The following IQCF1 variants were observed in gnomAD, a reference collection of about 807,000 sequenced individuals.
The protein encoded by IQCF1 is IQ motif containing F1.
A neutral mutation model predicts 12.5 loss-of-function variants in IQCF1; 9 were observed. That is an observed-to-expected ratio of 0.72 (90% CI 0.43 to 1.26). The LOEUF is 1.26. IQCF1 is among the 50% of genes most tolerant of loss of function. The probability of loss-of-function intolerance (pLI) is 0.00; values close to 1 mark genes in which losing one functional copy is unlikely to be tolerated. For synonymous variants in IQCF1, 67 were observed against 96.2 expected, an observed-to-expected ratio of 0.70 and a Z score of 1.78; for missense variants, 252 against 257.4, an observed-to-expected ratio of 0.98 and a Z score of 0.14.
At chr3:51,902,852 AAGAAAAT>A in intron 2 of IQCF1, 126 bp downstream of exon 2, 1 of 828,818 alleles carries the variant, frequency 1.2e-6, no homozygotes, top group Non-Finnish European at 2.1e-6. Context: ...GAGAATTAAA[AAGAAAAT>A]TTTATATTTG....
At chr3:51,903,153 G>T in intron 1 of IQCF1, 64 bp from the exon 2 acceptor site, 1 of 1,589,130 alleles carries the variant, frequency 6.3e-7, no homozygotes, top group Non-Finnish European at 8.6e-7. Context: ...CATTCAATAT[G>T]GCACACATCC....
At chr3:51,897,129 C>A (rs1665513700) in intron 2 of IQCF1, among the ~76,000 whole-genome samples, 2 of 152,142 alleles carry the variant, frequency 1.3e-5, no homozygotes, top group Non-Finnish European at 2.9e-5. Flanking sequence ...CTGACTCATT[C>A]CGATTTCCTG....
intron 3 of IQCF1, 39 bp downstream of exon 3, chr3:51,896,793 A>T: frequency 1.3e-6 from 2 of 1,498,332 alleles, no homozygotes; most frequent in Non-Finnish European, 1.9e-6. Flanking sequence ...CAGCCCCCAC[A>T]TCCCCAGCCC....
rs1327850959 is a variant in IQCF1 at position 51,900,851 on chromosome 3, C to T, written c.108+2134G>A. Among the ~76,000 whole-genome samples the T allele has an allele frequency of 1.3e-5, 2 of 152,150 alleles. No individual in the cohort carries two copies. The highest frequency in any genetic ancestry group is 2.9e-5 in the Non-Finnish European group (2 of 68,024). The stretch of plus-strand genomic sequence containing the variant: ...TTCTTTCCCTTTTCTAAGCCAGTTC[C>T]CTTCTTTAAGCCAGTGTTATGGTAT... On this transcript the variant is annotated intron_variant, in intron 2 of 3. Transcript: ENST00000310914. This position sits in a 1 kb window ranked among gnomAD's most constrained non-coding sequence, Gnocchi z 4.2.
chr3:51,897,909 C>T (rs1301459159), intron 2 of IQCF1, among the ~76,000 whole-genome samples: 1 of 152,178 alleles, frequency 6.6e-6, no homozygotes, highest in Non-Finnish European at 1.5e-5. Context: ...GGCAAGACAC[C>T]CCCTGGTTTG....
intron 3 of IQCF1, among the ~76,000 whole-genome samples, chr3:51,896,018 T>C (rs1015575676): frequency 2.0e-5 from 3 of 152,232 alleles, no homozygotes; most frequent in African/African-American, 4.8e-5. Flanking sequence ...GAAATGGCCC[T>C]GCAAAGCTGT....
In IQCF1 at chr3:51,900,253, C is replaced by T. The variant is rs1699059586; in HGVS notation, c.108+2732G>A. On this transcript the variant is annotated intron_variant, in intron 2 of 3. Transcript: ENST00000310914. The surrounding 1 kb of genome is among the most constrained non-coding windows in gnomAD (Gnocchi z 4.2). Reference sequence around the variant, plus strand: ...TGTTGTACAGCGGAAAGGGGATGGACTCACCACACCTGAGTCAAGAAAGCG... The same window carrying T: ...TGTTGTACAGCGGAAAGGGGATGGATTCACCACACCTGAGTCAAGAAAGCG... Among the ~76,000 whole-genome samples, 1 of 152,166 alleles carries T rather than the reference C, an allele frequency of 6.6e-6. No individual in the cohort carries two copies. The highest frequency in any genetic ancestry group is 2.4e-5 in the African/African-American group (1 of 41,432).
chr3:51,896,724 C>CACAA (rs1699008505), intron 3 of IQCF1, 108 bp downstream of exon 3: 4 of 840,818 alleles, frequency 4.8e-6, no homozygotes, highest in Non-Finnish European at 8.3e-6. Context: ...CACACACACA[C>CACAA]ACACATACTT....
In IQCF1 at chr3:51,900,846, A is replaced by C. The variant is rs1699067272; in HGVS notation, c.108+2139T>G. Among the ~76,000 whole-genome samples, 1 of 152,170 alleles carries C rather than the reference A, an allele frequency of 6.6e-6. No homozygotes were observed. The highest frequency in any genetic ancestry group is 1.5e-5 in the Non-Finnish European group (1 of 68,034). On this transcript the variant is annotated intron_variant, in intron 2 of 3. Coordinates refer to ENST00000310914, the MANE Select transcript of IQCF1 (RefSeq NM_152397.3). The surrounding 1 kb of genome is among the most constrained non-coding windows in gnomAD (Gnocchi z 4.2). Reference sequence around the variant, plus strand: ...CAAAGTTCTTTCCCTTTTCTAAGCCAGTTCCCTTCTTTAAGCCAGTGTTAT... The same window carrying C: ...CAAAGTTCTTTCCCTTTTCTAAGCCCGTTCCCTTCTTTAAGCCAGTGTTAT...
In IQCF1 at chr3:51,896,827, CATACTTT is replaced by C; in HGVS notation, c.169_171+4del. ...CCCAGCCCTGTGTGGTTTGGGAGGT[CATACTTT>C]TTCTGATTTCTCATTGGCATTGTCC... is the stretch of plus-strand genomic sequence containing the variant. On this transcript the variant is annotated splice_donor_variant and splice_donor_region_variant and coding_sequence_variant and intron_variant, in exon 3 of 4. Transcript: ENST00000310914. LOFTEE classifies it high-confidence loss of function. 6.2e-7 allele frequency: 1 copy of C among 1,609,590 alleles called. No individual in the cohort carries two copies. Among genetic ancestry groups the C allele is most frequent in the Non-Finnish European group, 8.5e-7 (1 of 1,175,926 alleles).
intron 2 of IQCF1, among the ~76,000 whole-genome samples, chr3:51,898,763 T>C (rs549560539): frequency 1.2e-4 from 18 of 152,272 alleles, no homozygotes; most frequent in Admixed American, 1.2e-3. Context: ...TTAATTACCA[T>C]ACAAAGGTCC....
In IQCF1 at chr3:51,903,041, G is replaced by A. The variant is rs776231126; in HGVS notation, c.52C>T (p.Pro18Ser). 6.2e-7 allele frequency: 1 copy of A among 1,614,108 alleles called. No individual in the cohort carries two copies. The highest frequency in any genetic ancestry group is 1.7e-5 in the Admixed American group (1 of 60,018). Residue 18 changes from proline to serine, a missense_variant, in exon 2 of 4, where the codon CCT (proline) becomes TCT (serine). Coordinates refer to ENST00000310914, the MANE Select transcript of IQCF1 (RefSeq NM_152397.3). ...TGGGTTGGCATCTCCTTCTGCTGAG[G>A]CTCATCTTCTTTTGAGGGTTCCTTC... ...KTKEPSKEDEPQQKEMPTHLS... is the reference protein window; with the variant it reads ...KTKEPSKEDESQQKEMPTHLS...
At chr3:51,901,372 C>T (rs1284340641) in intron 2 of IQCF1, among the ~76,000 whole-genome samples, 2 of 152,238 alleles carry the variant, frequency 1.3e-5, no homozygotes, top group African/African-American at 2.4e-5. Flanking sequence ...ACTAAGTTCA[C>T]TTCATGTCTC....
At chr3:51,897,091 C>T (rs866604382) in intron 2 of IQCF1, among the ~76,000 whole-genome samples, 197 bp from the exon 3 acceptor site, 3 of 152,198 alleles carry the variant, frequency 2.0e-5, no homozygotes, top group Admixed American at 6.5e-5. Flanking sequence ...CACCCTGACT[C>T]ATTCCCATTA....
At chr3:51,897,233 C>T (rs544263093) in intron 2 of IQCF1, among the ~76,000 whole-genome samples, 110 of 152,260 alleles carry the variant, frequency 7.2e-4, no homozygotes, top group Non-Finnish European at 1.2e-3. Context: ...CGGTCTAACC[C>T]TAGCCAATAG....
In IQCF1 at chr3:51,895,148, G is replaced by C. The variant is rs1248265441; in HGVS notation, c.360C>G (p.Ala120=). Residue 120 remains alanine, a synonymous_variant, in exon 4 of 4, where the codon GCC becomes GCG. Transcript: ENST00000310914. The surrounding 1 kb of genome is among the most constrained non-coding windows in gnomAD (Gnocchi z 4.8). The part of the protein sequence containing the change: ...LKKRRQAALE[A]FSRKEWAAVT... Reference sequence around the variant, plus strand: ...CTGCTGCCCACTCCTTCCGGGAGAAGGCCTCTAGCGCTGCCTGCCGCCTCT... The same window carrying C: ...CTGCTGCCCACTCCTTCCGGGAGAACGCCTCTAGCGCTGCCTGCCGCCTCT... 1.9e-6 allele frequency: 3 copies of C among 1,614,122 alleles called. No individual in the cohort carries two copies. Among genetic ancestry groups the C allele is most frequent in the Non-Finnish European group, 2.5e-6 (3 of 1,180,056 alleles).
At chr3:51,903,224 T>G in intron 1 of IQCF1, 46 bp downstream of exon 1, 1 of 1,611,346 alleles carries the variant, frequency 6.2e-7, no homozygotes, top group Non-Finnish European at 8.5e-7. Flanking sequence ...CTGAGAGATC[T>G]ATGGGGACAT....
rs570006463 is a variant in IQCF1 at position 51,900,773 on chromosome 3, T to C, written c.108+2212A>G. Among the ~76,000 whole-genome samples the C allele has an allele frequency of 1.3e-5, 2 of 152,334 alleles. No individual in the cohort carries two copies. The highest frequency in any genetic ancestry group is 3.9e-4 in the East Asian group (2 of 5,184). ...GGGACAGCCCCCGCCTCCCACTAACTGTCAGCTAAACCAGTGCAATCCTAT... is the reference window on the plus strand; with the variant it reads ...GGGACAGCCCCCGCCTCCCACTAACCGTCAGCTAAACCAGTGCAATCCTAT... On this transcript the variant is annotated intron_variant, in intron 2 of 3. Coordinates refer to ENST00000310914, the MANE Select transcript of IQCF1 (RefSeq NM_152397.3). The surrounding 1 kb of genome is among the most constrained non-coding windows in gnomAD (Gnocchi z 4.2).
At position 51,900,658 on chromosome 3, in the gene IQCF1, T is replaced by G. The variant is rs1356020404; in HGVS notation, c.108+2327A>C. Among the ~76,000 whole-genome samples, 1 of 152,168 alleles carries G rather than the reference T, an allele frequency of 6.6e-6. No individual in the cohort carries two copies. Among genetic ancestry groups the G allele is most frequent in the Non-Finnish European group, 1.5e-5 (1 of 68,038 alleles). On this transcript the variant is annotated intron_variant, in intron 2 of 3. Transcript: ENST00000310914. The surrounding 1 kb of genome is among the most constrained non-coding windows in gnomAD (Gnocchi z 4.2). ...TGTAGAGCTTTTATACCATAGTTGG[T>G]CCAGGGTTCTGTGGACCACTAAAGA...
Sources: gnomAD v4.1 joint callset for allele counts (sites outside exome capture counted in the v4.1 genomes callset) on GRCh38, gnomAD v4.1.1 for gene constraint, Gnocchi (gnomAD v3.1) non-coding constraint, MANE v1.5 for transcripts, NCBI Gene and HGNC (gene_info 2026-07-23, HGNC 2026-07-21) for gene names.